The following AKAP19 variants were observed in gnomAD, a reference collection of about 807,000 sequenced individuals.
AKAP19 encodes small A-kinase anchoring protein.
At chr2:190,124,072 G>A in the AKAP19 span, among the ~76,000 whole-genome samples, 2 of 152,060 alleles carry the variant, frequency 1.3e-5, no homozygotes, top group South Asian at 2.1e-4. Context: ...TTATATGATC[G>A]GCTGCCCTGG....
chr2:190,172,988 A>C, the AKAP19 span, among the ~76,000 whole-genome samples: 2 of 152,064 alleles, frequency 1.3e-5, no homozygotes, highest in Non-Finnish European at 2.9e-5. Flanking sequence ...AGTGGTGGGC[A>C]CCTGCAATCT....
chr2:189,948,545 A>G, the AKAP19 span, among the ~76,000 whole-genome samples: 1 of 152,274 alleles, frequency 6.6e-6, no homozygotes, highest in East Asian at 1.9e-4. Flanking sequence ...TCTAGGCTCT[A>G]TTTTTTAACA....
At chr2:190,019,684 TG>T in the AKAP19 span, among the ~76,000 whole-genome samples, 2 of 152,038 alleles carry the variant, frequency 1.3e-5, no homozygotes, top group Non-Finnish European at 2.9e-5. Flanking sequence ...GTGGGCTTCC[TG>T]GGAAGCATCT....
At chr2:190,004,162 T>C in the AKAP19 span, among the ~76,000 whole-genome samples, 18 of 151,868 alleles carry the variant, frequency 1.2e-4, no homozygotes, top group African/African-American at 3.6e-4. Context: ...TTAGGAGATA[T>C]ACCTAATGCT....
chr2:190,093,513 G>A, the AKAP19 span, among the ~76,000 whole-genome samples: 27 of 152,072 alleles, frequency 1.8e-4, no homozygotes, highest in African/African-American at 6.5e-4. Context: ...AAACATTGTT[G>A]GGTGACTTAT....
the AKAP19 span, among the ~76,000 whole-genome samples, chr2:189,935,569 G>A: frequency 2.0e-5 from 3 of 152,028 alleles, no homozygotes; most frequent in Non-Finnish European, 4.4e-5. Context: ...GCTTACTGCA[G>A]TTAGGTATAG....
chr2:190,200,884 A>G, the AKAP19 span: 1 of 167,078 alleles, frequency 6.0e-6, no homozygotes, highest in Non-Finnish European at 1.5e-5. Context: ...ACCTTTTACA[A>G]AGAGCAATCC....
chr2:190,108,154 G>T, the AKAP19 span, among the ~76,000 whole-genome samples: 1 of 151,556 alleles, frequency 6.6e-6, no homozygotes, highest in Non-Finnish European at 1.5e-5. Flanking sequence ...AAAAAATTCT[G>T]GTTTGTTGTT....
the AKAP19 span, among the ~76,000 whole-genome samples, chr2:190,015,918 C>A: frequency 1.9e-3 from 287 of 152,320 alleles, no homozygotes; most frequent in Non-Finnish European, 1.6e-3. Flanking sequence ...AAAAGCATAG[C>A]AAGAGTGACC....
the AKAP19 span, among the ~76,000 whole-genome samples, chr2:190,043,576 C>T: frequency 6.6e-6 from 1 of 152,174 alleles, no homozygotes; most frequent in African/African-American, 2.4e-5. Context: ...GCTATTTCAT[C>T]CTTCAGCTCC....
the AKAP19 span, among the ~76,000 whole-genome samples, chr2:189,973,136 T>G: frequency 7.9e-5 from 12 of 152,200 alleles, no homozygotes; most frequent in African/African-American, 2.7e-4. Flanking sequence ...AAATAGCTCT[T>G]ATTATTTTGA....
the AKAP19 span, among the ~76,000 whole-genome samples, chr2:190,074,243 ATAGC>A: frequency 2.0e-5 from 3 of 152,186 alleles, no homozygotes; most frequent in Non-Finnish European, 4.4e-5. Flanking sequence ...ATATTTCAGA[ATAGC>A]TAGGTAAATT....
At chr2:189,923,156 A>C in the AKAP19 span, among the ~76,000 whole-genome samples, 2 of 151,444 alleles carry the variant, frequency 1.3e-5, no homozygotes, top group Non-Finnish European at 2.9e-5. Context: ...ATCTCTAAAA[A>C]AATAAATAAA....
At chr2:190,151,753 G>A in the AKAP19 span, among the ~76,000 whole-genome samples, 1 of 151,772 alleles carries the variant, frequency 6.6e-6, no homozygotes, top group Admixed American at 6.6e-5. Flanking sequence ...TGTAATCCCA[G>A]TACTTTGAGA....
chr2:190,016,928 A>G, the AKAP19 span, among the ~76,000 whole-genome samples: 3 of 152,142 alleles, frequency 2.0e-5, no homozygotes, highest in South Asian at 2.1e-4. Flanking sequence ...CTCCTTTCAC[A>G]TATATTAATA....
the AKAP19 span, among the ~76,000 whole-genome samples, chr2:190,060,699 G>A: frequency 9.9e-5 from 15 of 151,954 alleles, no homozygotes; most frequent in Admixed American, 7.2e-4. Flanking sequence ...GACAAAGGAA[G>A]GTTCTATGAA....
chr2:189,903,364 T>C, the AKAP19 span, among the ~76,000 whole-genome samples: 2 of 152,062 alleles, frequency 1.3e-5, no homozygotes, highest in Admixed American at 1.3e-4. Flanking sequence ...TAGATAACAA[T>C]TATTTTTAAA....
chr2:190,069,192 G>GAA, the AKAP19 span, among the ~76,000 whole-genome samples: 1 of 151,574 alleles, frequency 6.6e-6, no homozygotes, highest in African/African-American at 2.4e-5. Context: ...GAGAGAGAGA[G>GAA]AGAGAGAGCA....
the AKAP19 span, among the ~76,000 whole-genome samples, chr2:190,194,004 A>G: frequency 2.6e-5 from 4 of 152,262 alleles, no homozygotes; most frequent in East Asian, 7.7e-4. Flanking sequence ...TTGAAACTAT[A>G]TTTTAATTTC....
Sources: allele counts gnomAD v4.1 joint callset (sites outside exome capture counted in the v4.1 genomes callset), GRCh38; gene constraint gnomAD v4.1.1; transcripts MANE v1.5; gene names NCBI Gene and HGNC (gene_info 2026-07-23, HGNC 2026-07-21).